The following FCF1 variants were observed in gnomAD, a reference collection of about 807,000 sequenced individuals.
FCF1 encodes the protein FCF1 rRNA-processing protein.
In FCF1, 17 loss-of-function variants were observed where a neutral mutation model predicts 32.5. The ratio of observed to expected loss-of-function variants is 0.52; its 90% CI spans 0.36 to 0.78. The LOEUF is 0.78. FCF1 is among the 30% of genes least tolerant of loss of function. The pLI is 0.00. For synonymous variants in FCF1, 84 were observed against 78.4 expected (o/e 1.07, Z -0.38); for missense variants, 201 against 241.1 (o/e 0.83, Z 1.10).
Position 74,723,330 on chromosome 14 carries a change from T to C in FCF1, c.351T>C (p.Tyr117=). ...AAATTGAGAAATTGGGGCAGAAGTA[T>C]CGAGTGGCTCTAAGGTAGGAAGGAG... The part of the protein sequence containing the change: ...MAEIEKLGQK[Y]RVALRIAKDP... The change falls in exon 5 of 8, where the codon TAT becomes TAC. Residue 117 remains tyrosine (Y), a synonymous_variant. Transcript: ENST00000341162. 1 of 1,613,072 alleles carries C rather than the reference T, an allele frequency of 6.2e-7. No homozygotes were observed. The highest frequency in any genetic ancestry group is 8.5e-7 in the Non-Finnish European group (1 of 1,179,146).
At chr14:74,722,235 G>A (rs193295550) in intron 4 of FCF1, among the ~76,000 whole-genome samples, 10 of 151,864 alleles carry the variant, frequency 6.6e-5, no homozygotes, top group Admixed American at 6.6e-4. Flanking sequence ...TTTTAGTAGA[G>A]ACGGGTTTCA....
chr14:74,736,595 C>T lies in FCF1; in HGVS notation c.*1665C>T, dbSNP rs1284197391. On this transcript the variant is annotated 3_prime_UTR_variant, in exon 8 of 8. Transcript: ENST00000341162. ...TTGAAGTATTGCATATGTTAACTAG[C>T]TTGATTTAACTATTCCATATTGTAT... The T allele has an allele frequency of 1.3e-5, 2 of 152,060 alleles. No homozygotes were observed. The highest frequency in any genetic ancestry group is 4.8e-5 in the African/African-American group (2 of 41,402). 9.4% of individuals were successfully genotyped at this position (152,060 alleles called of 1,614,324 possible).
intron 2 of FCF1, among the ~76,000 whole-genome samples, chr14:74,714,443 A>G (rs1030067299): frequency 1.1e-4 from 17 of 152,204 alleles, no homozygotes; most frequent in Non-Finnish European, 2.4e-4. Flanking sequence ...TAAGTTCTGT[A>G]TATGCGTTTT....
chr14:74,725,069 T>TA (rs34861456), intron 5 of FCF1, among the ~76,000 whole-genome samples: 59,469 of 146,630 alleles, frequency 0.41, 12,541 homozygotes, highest in East Asian at 0.55. Context: ...TGGGTTCTGG[T>TA]AAAAAAAAAA....
chr14:74,729,601 C>T (rs1461932262), intron 5 of FCF1, among the ~76,000 whole-genome samples: 1 of 152,036 alleles, frequency 6.6e-6, no homozygotes, highest in Admixed American at 6.6e-5. Context: ...TCTCTATTTC[C>T]TTCAGTCCTG....
chr14:74,718,032 AT>A (rs1334299435), intron 4 of FCF1, among the ~76,000 whole-genome samples: 3 of 151,826 alleles, frequency 2.0e-5, no homozygotes, highest in African/African-American at 7.3e-5. Flanking sequence ...CGCCTATCTA[AT>A]TTTTGTATTT....
At chr14:74,717,586 TA>T (rs1452103238) in intron 4 of FCF1, among the ~76,000 whole-genome samples, 1 of 152,210 alleles carries the variant, frequency 6.6e-6, no homozygotes, top group East Asian at 1.9e-4. Flanking sequence ...AGAAATAATC[TA>T]AAGTTGAGGT....
In FCF1 at chr14:74,732,838, G is replaced by C; in HGVS notation, c.453+20G>C. 7.1e-7 allele frequency: 1 copy of C among 1,411,320 alleles called. No individual in the cohort carries two copies. Among genetic ancestry groups the C allele is most frequent in the Non-Finnish European group, 9.8e-7 (1 of 1,017,934 alleles). 87.4% of individuals were successfully genotyped at this position (1,411,320 alleles called of 1,614,324 possible). On this transcript the variant is annotated intron_variant, in intron 6 of 7. Coordinates refer to ENST00000341162, the MANE Select transcript of FCF1 (RefSeq NM_015962.5). ...ACTCAGGTATTATCAGTTCATAACT[G>C]TTTACTTTGTGCTTAAAAAAAAAAA...
At position 74,713,212 on chromosome 14, in the gene FCF1, C is replaced by T. The variant is rs761574617; in HGVS notation, c.3+12C>T. ...TTGGCGTGACCATGGTGAGAGAAGA[C>T]GGTCCAAGAAGGGACGTTATCAGGC... On this transcript the variant is annotated intron_variant, in intron 1 of 7. Transcript: ENST00000341162. 14 of 1,614,048 alleles carry T rather than the reference C, an allele frequency of 8.7e-6. No homozygotes were observed. In the African/African-American group the frequency reaches 1.7e-4, roughly 20 times the overall value.
chr14:74,722,512 GA>G (rs2090518389), intron 4 of FCF1, among the ~76,000 whole-genome samples: 1 of 151,956 alleles, frequency 6.6e-6, no homozygotes, highest in Admixed American at 6.6e-5. Flanking sequence ...TAGGGATGAT[GA>G]TTTTTTTTTA....
At chr14:74,732,539 T>G (rs751671981) in intron 5 of FCF1, among the ~76,000 whole-genome samples, 192 bp from the exon 6 acceptor site, 1 of 152,204 alleles carries the variant, frequency 6.6e-6, no homozygotes, top group African/African-American at 2.4e-5. Flanking sequence ...TTGTAATGAT[T>G]AAATGACCCA....
chr14:74,715,857 A>G, intron 3 of FCF1, 94 bp from the exon 4 acceptor site: 1 of 1,610,682 alleles, frequency 6.2e-7, no homozygotes, highest in Non-Finnish European at 8.5e-7. Context: ...AAGAGTTTAC[A>G]GCAAACAGTC....
chr14:74,718,959 A>G (rs1238771266), intron 4 of FCF1, among the ~76,000 whole-genome samples: 3 of 151,634 alleles, frequency 2.0e-5, no homozygotes, highest in African/African-American at 4.8e-5. Flanking sequence ...GTGAAACCCC[A>G]TCTCTACTAA....
intron 5 of FCF1, among the ~76,000 whole-genome samples, chr14:74,725,447 T>C (rs2090563572): frequency 8.7e-6 from 1 of 115,022 alleles, no homozygotes; most frequent in South Asian, 3.0e-4. Context: ...GCCACTGTAC[T>C]CCAGCCTGGG....
intron 5 of FCF1, among the ~76,000 whole-genome samples, chr14:74,725,128 G>A (rs2090559038): frequency 6.6e-6 from 1 of 151,776 alleles, no homozygotes; most frequent in South Asian, 2.1e-4. Flanking sequence ...TTGGAGTCAA[G>A]TATTGGCATC....
At chr14:74,713,271 GT>G in intron 1 of FCF1, 71 bp downstream of exon 1, 1 of 1,614,150 alleles carries the variant, frequency 6.2e-7, no homozygotes, top group Non-Finnish European at 8.5e-7. Flanking sequence ...TAGTCAGACC[GT>G]GGCCAAATTT....
rs115806825 is a variant in FCF1 at position 74,732,160 on chromosome 14, A to G, written c.366-571A>G. ...TTTTATTAATTAAATCATATTATAT[A>G]TATATATATGCATATGCCCTGCTTT... On this transcript the variant is annotated intron_variant, in intron 5 of 7. Coordinates refer to ENST00000341162, the MANE Select transcript of FCF1 (RefSeq NM_015962.5). Among the ~76,000 whole-genome samples, 1,137 of 151,904 alleles carry G rather than the reference A, an allele frequency of 7.5e-3. 11 individuals carry two copies. Among genetic ancestry groups the G allele is most frequent in the African/African-American group, 0.026 (1,075 of 41,444 alleles).
chr14:74,722,262 G>T (rs1164291210), intron 4 of FCF1, among the ~76,000 whole-genome samples: 1 of 151,838 alleles, frequency 6.6e-6, no homozygotes, highest in Non-Finnish European at 1.5e-5. Flanking sequence ...TGGCCAGGCT[G>T]GTCTCGAACT....
chr14:74,731,926 A>G (rs1213514383), intron 5 of FCF1, among the ~76,000 whole-genome samples: 3 of 152,150 alleles, frequency 2.0e-5, no homozygotes, highest in Admixed American at 2.0e-4. Context: ...TTTTTCAAAT[A>G]TGTATGAAAA....
Sources: gnomAD v4.1 joint callset for allele counts (sites outside exome capture counted in the v4.1 genomes callset) on GRCh38, gnomAD v4.1.1 for gene constraint, MANE v1.5 for transcripts, NCBI Gene and HGNC (gene_info 2026-07-23, HGNC 2026-07-21) for gene names.